APOBEC3D: variants seen among roughly 807,000 people sequenced by gnomAD.
APOBEC3D encodes DNA dC->dU-editing enzyme APOBEC-3D.
APOBEC3D carries 37 observed loss-of-function variants against 45.6 expected under a neutral mutation model. The observed-to-expected ratio is 0.81, with a 90% confidence interval of 0.62 to 1.07. APOBEC3D has a LOEUF of 1.07. Ranked by LOEUF, APOBEC3D falls within the 50% of genes least tolerant of loss-of-function variation. APOBEC3D has a pLI of 0.00. For missense variants in APOBEC3D, 496 were observed against 495.3 expected, an observed-to-expected ratio of 1.00 and a Z score of -0.01; for synonymous variants, 175 against 180.7, an observed-to-expected ratio of 0.97 and a Z score of 0.25.
In APOBEC3D at chr22:39,025,481, A is replaced by G. The variant is rs778934213; in HGVS notation, c.491-76A>G. On this transcript the variant is annotated intron_variant, in intron 3 of 6. Coordinates refer to ENST00000216099, the MANE Select transcript of APOBEC3D (RefSeq NM_152426.4). ...GGGGCTGGCACTGATTGCAACTGAC[A>G]GCCAGGAGACCAGGCCTGGGAGGGC... is the stretch of plus-strand genomic sequence containing the variant. 3.1e-6 allele frequency: 5 copies of G among 1,613,986 alleles called. No individual in the cohort carries two copies. In the South Asian group the frequency reaches 5.5e-5, roughly 18 times the overall value.
Position 39,025,138 on chromosome 22 carries a change from T to C in APOBEC3D, c.279T>C (p.Pro93=), listed in dbSNP as rs1444315966. 6 of 1,613,290 alleles carry C rather than the reference T, an allele frequency of 3.7e-6. No individual in the cohort carries two copies. Among genetic ancestry groups the C allele is most frequent in the South Asian group, 3.3e-5 (3 of 91,070 alleles). Reference sequence around the variant, plus strand: ...CTTGGTTCTGTGGCAACCGACTGCCTGCTAACAGGCGCTTCCAGATCACCT... The same window carrying C: ...CTTGGTTCTGTGGCAACCGACTGCCCGCTAACAGGCGCTTCCAGATCACCT... ...FLSWFCGNRL[P]ANRRFQITWF... Residue 93 remains proline (P), a synonymous_variant, in exon 3 of 7, where the codon CCT becomes CCC. Coordinates refer to ENST00000216099, the MANE Select transcript of APOBEC3D (RefSeq NM_152426.4).
Position 39,021,543 on chromosome 22 carries a change from C to T in APOBEC3D, c.17+7C>T. 2 of 1,613,854 alleles carry T rather than the reference C, an allele frequency of 1.2e-6. No individual in the cohort carries two copies. Among genetic ancestry groups the T allele is most frequent in the Non-Finnish European group, 1.7e-6 (2 of 1,180,032 alleles). ...ACATGAATCCACAGATCAGGTACCG[C>T]TGCCCACTATGTCCGCAGGGCCCCT... On this transcript the variant is annotated splice_region_variant and intron_variant, in intron 1 of 6. Transcript: ENST00000216099.
In APOBEC3D at chr22:39,032,506, C is replaced by A. The variant is rs936473692; in HGVS notation, c.*190C>A. ...CTCTCCCAGGCTCTTCTTGTAGAGG[C>A]TCTCCATCCACCTCCCCAGTCCTGT... On this transcript the variant is annotated 3_prime_UTR_variant, in exon 7 of 7. Coordinates refer to ENST00000216099, the MANE Select transcript of APOBEC3D (RefSeq NM_152426.4). 2 of 1,387,700 alleles carry A rather than the reference C, an allele frequency of 1.4e-6. No homozygotes were observed. The highest frequency in any genetic ancestry group is 3.4e-5 in the South Asian group (2 of 58,416). The allele number at this position is 1,387,700 out of a possible 1,614,324, so 86.0% of individuals were successfully genotyped here.
Position 39,033,153 on chromosome 22 carries a change from G to C in APOBEC3D, c.*837G>C, listed in dbSNP as rs1926399314. 7.5e-6 allele frequency: 4 copies of C among 535,572 alleles called. No individual in the cohort carries two copies. In the South Asian group the frequency reaches 3.3e-4, roughly 44 times the overall value. The allele number at this position is 535,572 out of a possible 1,614,324, so 33.2% of individuals were successfully genotyped here. A position where few individuals can be genotyped will look rare whatever the true frequency, so the allele number is the denominator to read the frequency against. On this transcript the variant is annotated 3_prime_UTR_variant, in exon 7 of 7. Transcript: ENST00000216099. Reference sequence around the variant, plus strand: ...GACTGCTTGAGCCGGGGAGGTGGAGGCTGGAGTAAACTGAGATCGCGCCAC... The same window carrying C: ...GACTGCTTGAGCCGGGGAGGTGGAGCCTGGAGTAAACTGAGATCGCGCCAC...
intron 4 of APOBEC3D, 56 bp downstream of exon 4, chr22:39,025,727 C>A: frequency 1.2e-6 from 2 of 1,612,048 alleles, no homozygotes; most frequent in Admixed American, 1.7e-5. Context: ...TGCTCATCCT[C>A]CTGAGGACTC....
In APOBEC3D at chr22:39,032,860, C is replaced by G. The variant is rs1926371102; in HGVS notation, c.*544C>G. ...GAACTCCTGACCTCAGGTGATCTGC[C>G]CATCTCTGTCTCCCAAAGTGCTGGG... On this transcript the variant is annotated 3_prime_UTR_variant, in exon 7 of 7. Transcript: ENST00000216099. 1 of 151,688 alleles carries G rather than the reference C, an allele frequency of 6.6e-6. No individual in the cohort carries two copies. Among genetic ancestry groups the G allele is most frequent in the Admixed American group, 6.8e-5 (1 of 14,686 alleles). The allele number at this position is 151,688 out of a possible 1,614,324, so 9.4% of individuals were successfully genotyped here. A position where few individuals can be genotyped will look rare whatever the true frequency, so the allele number is the denominator to read the frequency against.
intron 1 of APOBEC3D, 71 bp downstream of exon 1, chr22:39,021,607 C>T: frequency 6.2e-7 from 1 of 1,605,464 alleles, no homozygotes; most frequent in Non-Finnish European, 8.5e-7. Context: ...GGGCCTCAGC[C>T]CTGGCCTCCC....
At chr22:39,023,218 C>T (rs1327103052) in intron 2 of APOBEC3D, among the ~76,000 whole-genome samples, 2 of 151,938 alleles carry the variant, frequency 1.3e-5, no homozygotes, top group Admixed American at 6.6e-5. Flanking sequence ...TGGGTTCAAG[C>T]GATTCTCCTG....
intron 4 of APOBEC3D, among the ~76,000 whole-genome samples, chr22:39,028,448 G>T (rs1437073270): frequency 6.6e-6 from 1 of 152,218 alleles, no homozygotes; most frequent in African/African-American, 2.4e-5. Flanking sequence ...TGTAAAATAG[G>T]GATGGCCCCT....
At position 39,026,668 on chromosome 22, in the gene APOBEC3D, C is replaced by T. The variant is rs141680769; in HGVS notation, c.605+997C>T. 3.0e-3 allele frequency among the ~76,000 whole-genome samples: 464 copies of T among 152,316 alleles called. 4 individuals carry two copies. Among genetic ancestry groups the T allele is most frequent in the African/African-American group, 0.01 (429 of 41,578 alleles). ...CTGGGCCTCCGGCTCACGCCTGTCC[C>T]TTCTCAAATCCCTCCCACAGGGATG... is the stretch of plus-strand genomic sequence containing the variant. On this transcript the variant is annotated intron_variant, in intron 4 of 6. Coordinates refer to ENST00000216099, the MANE Select transcript of APOBEC3D (RefSeq NM_152426.4).
Position 39,022,977 on chromosome 22 carries a change from C to T in APOBEC3D, c.173C>T (p.Pro58Leu), listed in dbSNP as rs188724873. 1.6e-5 allele frequency: 26 copies of T among 1,612,108 alleles called. No homozygotes were observed. In the Admixed American group the frequency reaches 2.0e-4, roughly 12 times the overall value. ...TGGGACACAGGGGTCTTTCGAGGCC[C>T]GGTACTACCCAAACGTCAGTCGAAT... is the stretch of plus-strand genomic sequence containing the variant. ...LLWDTGVFRG[P>L]VLPKRQSNHR... Residue 58 changes from proline (P) to leucine (L), a missense_variant, in exon 2 of 7, where the codon CCG becomes CTG. By Grantham distance (98) the Pro-to-Leu change is moderately conservative. Transcript: ENST00000216099.
In APOBEC3D at chr22:39,029,446, G is replaced by A; in HGVS notation, c.689G>A (p.Trp230Ter). The stretch of plus-strand genomic sequence containing the variant: ...AAAGCCTGTGGTCGGAACGAAAGCT[G>A]GCTGTGCTTCACCATGGAAGTTACA... ...LLKACGRNESWLCFTMEVTKH... is the reference protein window; with the variant it reads ...LLKACGRNES The change falls in exon 5 of 7, where the codon TGG becomes TAG. Residue 230 changes from tryptophan (W) to a stop codon, truncating the protein, a stop_gained. Transcript: ENST00000216099. LOFTEE classifies it high-confidence loss of function. 1 of 1,614,156 alleles carries A rather than the reference G, an allele frequency of 6.2e-7. No homozygotes were observed. The highest frequency in any genetic ancestry group is 8.5e-7 in the Non-Finnish European group (1 of 1,180,040).
At position 39,025,289 on chromosome 22, in the gene APOBEC3D, C is replaced by G; in HGVS notation, c.430C>G (p.Arg144Gly). ...CTACTACTACCGGGATAGAGATTGG[C>G]GGTGGGTGCTCCTCAGGCTGCATAA... ...RLYYYRDRDW[R>G]WVLLRLHKAG... Residue 144 changes from arginine (R) to glycine (G), a missense_variant, in exon 3 of 7, where the codon CGG (arginine) becomes GGG (glycine). By Grantham distance (125) the Arg-to-Gly change is moderately radical. Transcript: ENST00000216099. 1.2e-6 allele frequency: 2 copies of G among 1,614,092 alleles called. No individual in the cohort carries two copies. Among genetic ancestry groups the G allele is most frequent in the Non-Finnish European group, 1.7e-6 (2 of 1,179,996 alleles).
intron 2 of APOBEC3D, among the ~76,000 whole-genome samples, chr22:39,023,932 C>T (rs1200846508): frequency 1.3e-5 from 2 of 152,148 alleles, no homozygotes; most frequent in Admixed American, 1.3e-4. Context: ...CTACGGCCCC[C>T]TCCACCCAGG....
rs546049025 is a variant in APOBEC3D, at chr22:39,023,096, A to G, written c.210+82A>G. 1.9e-4 allele frequency: 213 copies of G among 1,124,762 alleles called. 7 individuals carry two copies. The South Asian group carries it at 3.1e-3, about 16-fold the overall frequency. The allele number at this position is 1,124,762 out of a possible 1,614,324, so 69.7% of individuals were successfully genotyped here. The stretch of plus-strand genomic sequence containing the variant: ...AACTGTGTATTTTTTCCCCACATTT[A>G]TTTATTTTTTCTATTTATTTATTTA... On this transcript the variant is annotated intron_variant, in intron 2 of 6. Transcript: ENST00000216099.
chr22:39,026,650 T>C (rs1289163312), intron 4 of APOBEC3D, among the ~76,000 whole-genome samples: 2 of 152,080 alleles, frequency 1.3e-5, no homozygotes, highest in East Asian at 1.9e-4. Flanking sequence ...TAGCTGGGCC[T>C]CCGGCTCACG....
At chr22:39,023,120 T>TATTTATTTATTTATTTATTTATTG in intron 2 of APOBEC3D, 106 bp downstream of exon 2, 1 of 944,698 alleles carries the variant, frequency 1.1e-6, no homozygotes, top group Non-Finnish European at 1.4e-6. Context: ...TTTATTTATT[T>TATTTATTTATTTATTTATTTATTG]ATTTATTTAT....
Position 39,029,410 on chromosome 22 carries a change from A to G in APOBEC3D, c.653A>G (p.Lys218Arg). The change falls in exon 5 of 7, where the codon AAA (lysine) becomes AGA (arginine). Residue 218 changes from lysine to arginine, a missense_variant. Coordinates refer to ENST00000216099, the MANE Select transcript of APOBEC3D (RefSeq NM_152426.4). ...CCACACATATTCTACTTCCACTTTA[A>G]AAACCTACTGAAAGCCTGTGGTCGG... The part of the protein sequence containing the change: ...MYPHIFYFHF[K>R]NLLKACGRNE... 1 of 1,614,160 alleles carries G rather than the reference A, an allele frequency of 6.2e-7. No homozygotes were observed. The highest frequency in any genetic ancestry group is 8.5e-7 in the Non-Finnish European group (1 of 1,180,034).
At position 39,021,513 on chromosome 22, in the gene APOBEC3D, G is replaced by A; in HGVS notation, c.-7G>A. The A allele has an allele frequency of 6.2e-7, 1 of 1,614,180 alleles. No individual in the cohort carries two copies. The highest frequency in any genetic ancestry group is 8.5e-7 in the Non-Finnish European group (1 of 1,180,032). ...AGACTGGGACAAGCGTATCTAAGAG[G>A]CTGAACATGAATCCACAGATCAGGT... On this transcript the variant is annotated 5_prime_UTR_variant, in exon 1 of 7. Transcript: ENST00000216099.
Sources: gnomAD v4.1 joint callset for allele counts (sites outside exome capture counted in the v4.1 genomes callset) on GRCh38, gnomAD v4.1.1 for gene constraint, MANE v1.5 for transcripts, NCBI Gene and HGNC (gene_info 2026-07-23, HGNC 2026-07-21) for gene names.